The following FGF13 variants were observed in gnomAD, a reference collection of about 807,000 sequenced individuals.
FGF13 encodes the protein fibroblast growth factor 13.
In FGF13, 2 loss-of-function variants were observed where a neutral mutation model predicts 19.5. That is an observed-to-expected ratio of 0.10 (90% CI 0.04 to 0.32). FGF13 has a LOEUF of 0.32. Ranked by LOEUF, FGF13 falls within the 10% of genes least tolerant of loss-of-function variation. The probability of loss-of-function intolerance (pLI) is 1.00; values close to 1 mark genes in which losing one functional copy is unlikely to be tolerated. For missense variants in FGF13, 113 were observed against 192.7 expected, an observed-to-expected ratio of 0.59 and a Z score of 2.45; for synonymous variants, 72 against 76.9, an observed-to-expected ratio of 0.94 and a Z score of 0.33.
At chrX:138,926,482 G>A (rs1039701991) in intron 1 of FGF13, among the ~76,000 whole-genome samples, 5 of 111,719 alleles carry the variant, frequency 4.5e-5, no homozygotes, top group African/African-American at 1.6e-4. Context: ...CAGAGTGGGA[G>A]GTAGGTTGTG....
intron 3 of FGF13, among the ~76,000 whole-genome samples, chrX:138,636,481 CCAA>C (rs980165542): frequency 1.2e-4 from 13 of 111,995 alleles, no homozygotes; most frequent in Admixed American, 7.6e-4. Flanking sequence ...AACAAAAAAA[CCAA>C]CAACAACAAA....
intron 1 of FGF13, among the ~76,000 whole-genome samples, chrX:138,958,217 TGA>T (rs1367437639): frequency 8.9e-6 from 1 of 111,888 alleles, no homozygotes; most frequent in African/African-American, 3.3e-5. Flanking sequence ...CCTAGTTTAT[TGA>T]GAGTTTTTAG....
chrX:138,660,735 A>T (rs1030079019), intron 3 of FGF13, among the ~76,000 whole-genome samples: 2 of 111,548 alleles, frequency 1.8e-5, no homozygotes, highest in Non-Finnish European at 3.8e-5. Flanking sequence ...CCCATTAACC[A>T]TCCCCACTCC....
intron 3 of FGF13, among the ~76,000 whole-genome samples, chrX:138,680,855 T>C (rs1348493314): frequency 1.8e-5 from 2 of 111,022 alleles, no homozygotes; most frequent in East Asian, 5.7e-4. Context: ...CTCCTTCCAA[T>C]AGAAGGCTAC....
At chrX:138,878,565 G>C (rs1379183086) in intron 1 of FGF13, among the ~76,000 whole-genome samples, 3 of 107,135 alleles carry the variant, frequency 2.8e-5, no homozygotes. Flanking sequence ...TGGACATTTG[G>C]GTTGGTTCCA....
intron 1 of FGF13, among the ~76,000 whole-genome samples, chrX:138,982,961 A>G (rs757291763): frequency 1.8e-5 from 2 of 112,042 alleles, no homozygotes; most frequent in Non-Finnish European, 3.8e-5. Context: ...TTAAATGGCA[A>G]TATTTGTTTT....
chrX:138,716,604 AAG>A (rs1247645378), upstream of FGF13: 1 of 111,806 alleles, frequency 8.9e-6, no homozygotes, highest in Non-Finnish European at 1.9e-5. Context: ...AATAAGAAAA[AAG>A]AAAGAAAAGA....
chrX:138,987,080 C>A (rs1397969794), intron 1 of FGF13, among the ~76,000 whole-genome samples: 1 of 112,038 alleles, frequency 8.9e-6, no homozygotes, highest in Non-Finnish European at 1.9e-5. Context: ...ATGGCCCAGC[C>A]ACACTTCAGT....
intron 1 of FGF13, among the ~76,000 whole-genome samples, chrX:138,975,961 C>T (rs754288301): frequency 2.7e-5 from 3 of 111,484 alleles, no homozygotes; most frequent in Non-Finnish European, 5.6e-5. Flanking sequence ...TAAGACCAAG[C>T]GTATTAGATT....
intron 2 of FGF13, among the ~76,000 whole-genome samples, chrX:138,862,211 G>T (rs2091292107): frequency 8.9e-6 from 1 of 111,849 alleles, no homozygotes; most frequent in African/African-American, 3.2e-5. Context: ...CCCTCAGCAG[G>T]CCACTGTAAT....
intron 1 of FGF13, among the ~76,000 whole-genome samples, chrX:138,983,342 G>C (rs748978954): frequency 9.7e-6 from 1 of 103,296 alleles, no homozygotes; most frequent in Admixed American, 1.1e-4. Context: ...AGTATTTCCA[G>C]CACCATTCAT....
intron 3 of FGF13, among the ~76,000 whole-genome samples, chrX:138,830,828 A>G (rs931141901): frequency 4.5e-5 from 5 of 109,906 alleles, no homozygotes; most frequent in African/African-American, 1.7e-4. Context: ...ATCATAAATG[A>G]AGGGAGCAGG....
chrX:138,905,057 A>C (rs2091550413), intron 1 of FGF13, among the ~76,000 whole-genome samples: 1 of 111,782 alleles, frequency 8.9e-6, no homozygotes, highest in Admixed American at 9.5e-5. Context: ...GAATGACTTA[A>C]GAAATCTGGC....
At chrX:138,984,890 T>A in intron 1 of FGF13, 1 of 277,242 alleles carries the variant, frequency 3.6e-6, no homozygotes, top group Admixed American at 4.6e-5. Context: ...TGTCATCATT[T>A]CTCATTAAAA....
In FGF13 at chrX:138,624,345, T is replaced by A. The variant is rs1264111608; in HGVS notation, c.*8505A>T. On this transcript the variant is annotated 3_prime_UTR_variant, in exon 5 of 5. Coordinates refer to ENST00000315930, the MANE Select transcript of FGF13 (RefSeq NM_004114.5). ...GGGGAAATATAGTCCATTCAATAAATCGTATTTTAAACATTGAATATCCAA... is the reference window on the plus strand; with the variant it reads ...GGGGAAATATAGTCCATTCAATAAAACGTATTTTAAACATTGAATATCCAA... The A allele has an allele frequency of 3.6e-5, 4 of 111,859 alleles. No individual in the cohort carries two copies. Among genetic ancestry groups the A allele is most frequent in the Non-Finnish European group, 7.5e-5 (4 of 53,236 alleles). The allele number at this position is 111,859 out of a possible 1,213,427, so 9.2% of individuals were successfully genotyped here. A position where few individuals can be genotyped will look rare whatever the true frequency, so the allele number is the denominator to read the frequency against.
At chrX:139,048,086 CAT>C (rs1344744763) in intron 1 of FGF13, among the ~76,000 whole-genome samples, 3 of 111,395 alleles carry the variant, frequency 2.7e-5, no homozygotes, top group East Asian at 2.8e-4. Context: ...ACCCCACAGA[CAT>C]ATACATATTT....
intron 1 of FGF13, among the ~76,000 whole-genome samples, chrX:138,732,105 G>T (rs1004149583): frequency 1.8e-5 from 2 of 111,547 alleles, no homozygotes; most frequent in African/African-American, 6.5e-5. Flanking sequence ...TGATGATTAT[G>T]TAGAACAACC....
At chrX:138,764,734 C>G (rs1473004786) in intron 3 of FGF13, among the ~76,000 whole-genome samples, 2 of 112,179 alleles carry the variant, frequency 1.8e-5, no homozygotes, top group Non-Finnish European at 3.8e-5. Flanking sequence ...TACTTACTGT[C>G]TAGCACTTCA....
At chrX:139,149,803 C>A (rs2083918852) in intron 1 of FGF13, among the ~76,000 whole-genome samples, 1 of 111,957 alleles carries the variant, frequency 8.9e-6, no homozygotes, top group African/African-American at 3.2e-5. Context: ...TACATACTCT[C>A]CATAAACTCT....
Sources: gnomAD v4.1 joint callset for allele counts (sites outside exome capture counted in the v4.1 genomes callset) on GRCh38, gnomAD v4.1.1 for gene constraint, MANE v1.5 for transcripts, NCBI Gene and HGNC (gene_info 2026-07-23, HGNC 2026-07-21) for gene names.